TCF12: variants seen among roughly 807,000 people sequenced by gnomAD.
The protein encoded by TCF12 is DNA-binding protein HTF4.
A neutral mutation model predicts 86.0 loss-of-function variants in TCF12; 45 were observed. The ratio of observed to expected loss-of-function variants is 0.52; its 90% confidence interval spans 0.41 to 0.67. The LOEUF is 0.67. Ranked by LOEUF, TCF12 falls within the 30% of genes least tolerant of loss-of-function variation. The probability of loss-of-function intolerance (pLI) is 0.00; values close to 1 mark genes in which losing one functional copy is unlikely to be tolerated. For missense variants in TCF12, 881 were observed against 859.9 expected, an observed-to-expected ratio of 1.02 and a Z score of -0.31; for synonymous variants, 330 against 299.6, an observed-to-expected ratio of 1.10 and a Z score of -1.05.
intron 6 of TCF12, among the ~76,000 whole-genome samples, chr15:57,173,968 A>G: frequency 6.6e-6 from 1 of 152,122 alleles, no homozygotes; most frequent in Non-Finnish European, 1.5e-5. Context: ...AGCCTCTCAA[A>G]GTGCTGGAAT....
At chr15:56,952,676 T>C (rs990977465) in intron 3 of TCF12, among the ~76,000 whole-genome samples, 2 of 152,168 alleles carry the variant, frequency 1.3e-5, no homozygotes, top group East Asian at 3.8e-4. Context: ...AATTTCTGAT[T>C]AATTTTTAGA....
At chr15:57,174,321 G>A (rs1447547927) in intron 6 of TCF12, among the ~76,000 whole-genome samples, 2 of 152,094 alleles carry the variant, frequency 1.3e-5, no homozygotes, top group South Asian at 2.1e-4. Context: ...AAAACAATGT[G>A]ATCATTTCCA....
chr15:57,162,634 G>T (rs2054581473), intron 5 of TCF12, among the ~76,000 whole-genome samples: 1 of 152,052 alleles, frequency 6.6e-6, no homozygotes, highest in Non-Finnish European at 1.5e-5. Context: ...CATTCTCTTT[G>T]AATTCAATGT....
chr15:57,030,629 CT>C (rs1173124390), intron 3 of TCF12, among the ~76,000 whole-genome samples: 2 of 152,078 alleles, frequency 1.3e-5, no homozygotes, highest in African/African-American at 4.8e-5. Context: ...AATAGGAAAA[CT>C]ATCGCCCATT....
chr15:56,964,515 G>A (rs1234477227), intron 3 of TCF12, among the ~76,000 whole-genome samples: 1 of 152,016 alleles, frequency 6.6e-6, no homozygotes, highest in African/African-American at 2.4e-5. Flanking sequence ...TCTCCTGCCT[G>A]GCATGTCTTT....
intron 6 of TCF12, among the ~76,000 whole-genome samples, chr15:57,190,199 T>A (rs1268357796): frequency 6.6e-6 from 1 of 152,194 alleles, no homozygotes; most frequent in Non-Finnish European, 1.5e-5. Context: ...TGCCACTGAT[T>A]TGAAATGAAA....
At chr15:57,090,808 T>A (rs1431018073) in intron 4 of TCF12, among the ~76,000 whole-genome samples, 2 of 152,218 alleles carry the variant, frequency 1.3e-5, no homozygotes, top group African/African-American at 4.8e-5. Flanking sequence ...GGTTTTAGAT[T>A]GGCAGAGATA....
At chr15:57,055,042 T>C (rs2067901903) in intron 3 of TCF12, among the ~76,000 whole-genome samples, 2 of 152,062 alleles carry the variant, frequency 1.3e-5, no homozygotes, top group South Asian at 4.1e-4. Context: ...AAGGAAAAAT[T>C]AGTCTTTTTA....
intron 3 of TCF12, among the ~76,000 whole-genome samples, chr15:56,961,960 C>T (rs1355893507): frequency 6.6e-6 from 1 of 151,592 alleles, no homozygotes; most frequent in Non-Finnish European, 1.5e-5. Context: ...GAAACCCCGT[C>T]TCTACTAAAA....
At position 57,041,558 on chromosome 15, in the gene TCF12, A is replaced by G. The variant is rs570814251; in HGVS notation, c.149-22192A>G. Among the ~76,000 whole-genome samples the G allele has an allele frequency of 6.6e-5, 10 of 152,340 alleles. No homozygotes were observed. The South Asian group carries it at 1.7e-3, about 25-fold the overall frequency. On this transcript the variant is annotated intron_variant, in intron 3 of 20. Transcript: ENST00000333725. The stretch of plus-strand genomic sequence containing the variant: ...GTTAGACAAAGAAACTAAGTTAAAC[A>G]AAGATCTAGAGCCACTGCCAAACCT...
At chr15:57,003,442 A>G (rs1242879150) in intron 3 of TCF12, among the ~76,000 whole-genome samples, 2 of 152,182 alleles carry the variant, frequency 1.3e-5, no homozygotes, top group African/African-American at 2.4e-5. Flanking sequence ...TAACACAGCT[A>G]TTTTCTCCAT....
At chr15:57,162,086 T>C (rs765618787) in intron 5 of TCF12, among the ~76,000 whole-genome samples, 32 of 152,186 alleles carry the variant, frequency 2.1e-4, no homozygotes, top group Non-Finnish European at 4.1e-4. Flanking sequence ...AACCCTGTAT[T>C]AGACTATCCC....
intron 3 of TCF12, among the ~76,000 whole-genome samples, chr15:56,975,952 A>G (rs1324558845): frequency 2.6e-5 from 4 of 151,738 alleles, no homozygotes; most frequent in African/African-American, 9.7e-5. Context: ...CTCAGGGTCC[A>G]ATTTGAAAAA....
Position 57,170,745 on chromosome 15 carries a change from T to TAACA in TCF12, c.390+4279_390+4280insAACA, listed in dbSNP as rs1342153770. Among the ~76,000 whole-genome samples, 104 of 31,430 alleles carry TAACA rather than the reference T, an allele frequency of 3.3e-3. 3 individuals are homozygous for TAACA. Among genetic ancestry groups the TAACA allele is most frequent in the South Asian group, 8.1e-3 (13 of 1,610 alleles). The allele number at this position is 31,430 out of a possible 152,430, so 20.6% of individuals were successfully genotyped here. On this transcript the variant is annotated intron_variant, in intron 6 of 20. Transcript: ENST00000333725. Reference sequence around the variant, plus strand: ...TATTATATATTATATATAATATATATTATATATTATATATTATATATATAT... The same window carrying TAACA: ...TATTATATATTATATATAATATATATAACATATATATTATATATTATATATATAT...
At chr15:56,989,062 A>C (rs1447015423) in intron 3 of TCF12, among the ~76,000 whole-genome samples, 1 of 152,196 alleles carries the variant, frequency 6.6e-6, no homozygotes, top group African/African-American at 2.4e-5. Context: ...AACATTTTCC[A>C]AGAGATGACT....
chr15:57,181,045 A>T (rs1475624770), intron 6 of TCF12, among the ~76,000 whole-genome samples: 3 of 151,414 alleles, frequency 2.0e-5, no homozygotes, highest in African/African-American at 7.3e-5. Context: ...CAATCTCCTG[A>T]CCTCGTGATC....
intron 8 of TCF12, among the ~76,000 whole-genome samples, chr15:57,206,130 G>C (rs1442698268): frequency 6.6e-6 from 1 of 152,180 alleles, no homozygotes; most frequent in East Asian, 1.9e-4. Context: ...AGGCTATATG[G>C]TTGAATTATG....
chr15:57,134,256 A>G (rs756432457), intron 5 of TCF12: 1 of 152,276 alleles, frequency 6.6e-6, no homozygotes, highest in Non-Finnish European at 1.5e-5. Flanking sequence ...TCATAGTAGA[A>G]TGTAATAATC....
intron 3 of TCF12, among the ~76,000 whole-genome samples, chr15:57,024,984 CT>C (rs1282104453): frequency 2.0e-5 from 3 of 152,112 alleles, no homozygotes; most frequent in Non-Finnish European, 4.4e-5. Context: ...TTTTAATCTG[CT>C]TTTGAAATTA....
Sources: allele counts gnomAD v4.1 joint callset (sites outside exome capture counted in the v4.1 genomes callset), GRCh38; gene constraint gnomAD v4.1.1; transcripts MANE v1.5; gene names NCBI Gene and HGNC (gene_info 2026-07-23, HGNC 2026-07-21).